The following ABCC10 variants were observed in gnomAD, a reference collection of about 807,000 sequenced individuals.
The protein encoded by ABCC10 is ATP-binding cassette sub-family C member 10.
In ABCC10, 110 loss-of-function variants were observed where a neutral mutation model predicts 143.2. The ratio of observed to expected loss-of-function variants is 0.77; its 90% CI spans 0.66 to 0.90. ABCC10 has a LOEUF of 0.90. ABCC10 is among the 40% of genes least tolerant of loss of function. The pLI, the probability that ABCC10 is intolerant of heterozygous loss-of-function variation, is 0.00. For synonymous variants in ABCC10, 805 were observed against 846.7 expected, an observed-to-expected ratio of 0.95 and a Z score of 0.85; for missense variants, 1,700 against 1,900.5, an observed-to-expected ratio of 0.89 and a Z score of 1.96.
intron 4 of ABCC10, among the ~76,000 whole-genome samples, chr6:43,435,526 C>T (rs963544304): frequency 3.3e-5 from 5 of 151,420 alleles, no homozygotes; most frequent in African/African-American, 4.9e-5. Context: ...GAGCAAGACT[C>T]GTCAAGAAAA....
Position 43,443,142 on chromosome 6 carries a change from G to A in ABCC10, c.2399G>A (p.Gly800Glu). Reference sequence around the variant, plus strand: ...GACGCGGTGCTGCTGATGGAGGCCGGGCGCCTCATCCGGGCTGGTAATGGG... The same window carrying A: ...GACGCGGTGCTGCTGATGGAGGCCGAGCGCCTCATCCGGGCTGGTAATGGG... ...RADAVLLMEA[G>E]RLIRAGPPSE... is the part of the protein sequence containing the mutation. Residue 800 changes from glycine to glutamate, a missense_variant, in exon 10 of 22, where the codon GGG (glycine) becomes GAG (glutamate). Transcript: ENST00000372530. The surrounding 1 kb of genome is among the most constrained non-coding windows in gnomAD (Gnocchi z 4.2). 1 of 1,602,772 alleles carries A rather than the reference G, an allele frequency of 6.2e-7. No individual in the cohort carries two copies. The highest frequency in any genetic ancestry group is 8.5e-7 in the Non-Finnish European group (1 of 1,178,168).
In ABCC10 at chr6:43,443,908, C is replaced by T. The variant is rs878941355; in HGVS notation, c.2417-25C>T. ...TAGTATAGACTCAGAACAGTCCTCT[C>T]CCAATCTCCCCTTCTACCCTCCAGG... On this transcript the variant is annotated intron_variant, in intron 10 of 21. Coordinates refer to ENST00000372530, the MANE Select transcript of ABCC10 (RefSeq NM_001198934.2). The surrounding 1 kb of genome is among the most constrained non-coding windows in gnomAD (Gnocchi z 4.2). 10 of 1,594,038 alleles carry T rather than the reference C, an allele frequency of 6.3e-6. No individual in the cohort carries two copies. The highest frequency in any genetic ancestry group is 3.3e-5 in the South Asian group (3 of 90,706).
In ABCC10 at chr6:43,445,893, G is replaced by A. The variant is rs78493482; in HGVS notation, c.3325G>A (p.Asp1109Asn). 429 of 1,613,698 alleles carry A rather than the reference G, an allele frequency of 2.7e-4. No homozygotes were observed. The African/African-American group carries it at 4.4e-3, about 16-fold the overall frequency. Residue 1109 changes from aspartate (D) to asparagine (N), a missense_variant, in exon 15 of 22, where the codon GAT (aspartate) becomes AAT (asparagine). Coordinates refer to ENST00000372530, the MANE Select transcript of ABCC10 (RefSeq NM_001198934.2). ...TLSPLYSHLA[D>N]TLAGLSVLRA... Reference sequence around the variant, plus strand: ...GTCTCCACTGTATAGCCATCTGGCCGATACCTTGGCTGGCCTCTCTGTGCT... The same window carrying A: ...GTCTCCACTGTATAGCCATCTGGCCAATACCTTGGCTGGCCTCTCTGTGCT...
intron 8 of ABCC10, among the ~76,000 whole-genome samples, 175 bp downstream of exon 8, chr6:43,438,970 G>C (rs1782041394): frequency 6.6e-6 from 1 of 152,156 alleles, no homozygotes; most frequent in Non-Finnish European, 1.5e-5. Context: ...TTCTGATAGG[G>C]CCCAGTAGGG....
In ABCC10 at chr6:43,427,622, G is replaced by A. The variant is rs1780649398; in HGVS notation, c.-147G>A. 4 of 342,970 alleles carry A rather than the reference G, an allele frequency of 1.2e-5. No individual in the cohort carries two copies. Among genetic ancestry groups the A allele is most frequent in the Non-Finnish European group, 1.7e-5 (3 of 180,646 alleles). 21.2% of individuals were successfully genotyped at this position (342,970 alleles called of 1,614,324 possible). On this transcript the variant is annotated 5_prime_UTR_variant, in exon 1 of 22. Coordinates refer to ENST00000372530, the MANE Select transcript of ABCC10 (RefSeq NM_001198934.2). ...CCAGCCGGGGCGGGCCCAGCACCCC[G>A]GCCGGGCAGTACTTTTTTTTTTTTT...
intron 15 of ABCC10, 116 bp downstream of exon 15, chr6:43,446,058 G>C: frequency 1.6e-6 from 2 of 1,263,456 alleles, no homozygotes; most frequent in African/African-American, 1.5e-5. Context: ...ACAAGGGATG[G>C]GGAAGGAGGA....
chr6:43,434,537 G>T (rs750199170), intron 3 of ABCC10, 84 bp from the exon 4 acceptor site: 39 of 1,314,002 alleles, frequency 3.0e-5, no homozygotes, highest in Non-Finnish European at 4.0e-5. Context: ...TGAACATTCT[G>T]CCAGCAGCCT....
chr6:43,450,267 C>T lies in ABCC10; in HGVS notation c.*176C>T, dbSNP rs948460866. 1.3e-5 allele frequency: 12 copies of T among 910,626 alleles called. No homozygotes were observed. Among genetic ancestry groups the T allele is most frequent in the Non-Finnish European group, 1.9e-5 (12 of 626,990 alleles). The allele number at this position is 910,626 out of a possible 1,614,324, so 56.4% of individuals were successfully genotyped here. A position where few individuals can be genotyped will look rare whatever the true frequency, so the allele number is the denominator to read the frequency against. Reference sequence around the variant, plus strand: ...GAAATCACTCCTTGGTGGGCAGCATCCTGAGGCTTCCCCAGAACCAGGCCT... The same window carrying T: ...GAAATCACTCCTTGGTGGGCAGCATTCTGAGGCTTCCCCAGAACCAGGCCT... On this transcript the variant is annotated 3_prime_UTR_variant, in exon 22 of 22. Coordinates refer to ENST00000372530, the MANE Select transcript of ABCC10 (RefSeq NM_001198934.2). This position sits in a 1 kb window ranked among gnomAD's most constrained non-coding sequence, Gnocchi z 4.5.
chr6:43,432,679 G>T lies in ABCC10; in HGVS notation c.699G>T (p.Leu233=). The change falls in exon 3 of 22, where the codon CTG becomes CTT. Residue 233 remains leucine (L), a synonymous_variant. Coordinates refer to ENST00000372530, the MANE Select transcript of ABCC10 (RefSeq NM_001198934.2). ...RFSYAWLAPL[L]ARGACGELRQ... ...CCTATGCCTGGCTGGCACCCTTGCT[G>T]GCCCGTGGGGCCTGTGGAGAGCTCC... is the stretch of plus-strand genomic sequence containing the variant. 1 of 1,614,032 alleles carries T rather than the reference G, an allele frequency of 6.2e-7. No homozygotes were observed. Among genetic ancestry groups the T allele is most frequent in the Non-Finnish European group, 8.5e-7 (1 of 1,180,012 alleles).
chr6:43,434,540 A>G lies in ABCC10; in HGVS notation c.1381-81A>G, dbSNP rs755749440. On this transcript the variant is annotated intron_variant, in intron 3 of 21. Coordinates refer to ENST00000372530, the MANE Select transcript of ABCC10 (RefSeq NM_001198934.2). ...AGCTTAGAGTACTGAACATTCTGCC[A>G]GCAGCCTGGGGAAGGCTTGGCAGGG... is the stretch of plus-strand genomic sequence containing the variant. 1.0e-5 allele frequency: 14 copies of G among 1,345,582 alleles called. No homozygotes were observed. In the East Asian group the frequency reaches 3.0e-4, roughly 29 times the overall value. 83.4% of individuals were successfully genotyped at this position (1,345,582 alleles called of 1,614,324 possible). A position where few individuals can be genotyped will look rare whatever the true frequency, so the allele number is the denominator to read the frequency against.
Position 43,443,750 on chromosome 6 carries a change from T to C in ABCC10, c.2417-183T>C. 1.6e-6 allele frequency: 1 copy of C among 615,702 alleles called. No individual in the cohort carries two copies. The highest frequency in any genetic ancestry group is 2.9e-6 in the Non-Finnish European group (1 of 343,234). The allele number at this position is 615,702 out of a possible 1,614,324, so 38.1% of individuals were successfully genotyped here. The stretch of plus-strand genomic sequence containing the variant: ...GAGTCCTGCTCGAGGTCTAGGGGTA[T>C]CCAGAGCAGGGTGGGTTAGAGAGGG... On this transcript the variant is annotated intron_variant, in intron 10 of 21. Transcript: ENST00000372530. This position sits in a 1 kb window ranked among gnomAD's most constrained non-coding sequence, Gnocchi z 4.2.
chr6:43,435,927 C>T lies in ABCC10; in HGVS notation c.1765+20C>T. Reference sequence around the variant, plus strand: ...GCCCAGGTAATGGGAAGCTAGTGGGCAGAACCTGGCACAGGGTGAGGAGGG... The same window carrying T: ...GCCCAGGTAATGGGAAGCTAGTGGGTAGAACCTGGCACAGGGTGAGGAGGG... On this transcript the variant is annotated intron_variant, in intron 5 of 21. Transcript: ENST00000372530. The T allele has an allele frequency of 6.2e-7, 1 of 1,613,500 alleles. No individual in the cohort carries two copies. Among genetic ancestry groups the T allele is most frequent in the South Asian group, 1.1e-5 (1 of 91,006 alleles).
intron 16 of ABCC10, 40 bp downstream of exon 16, chr6:43,446,486 T>G: frequency 6.3e-7 from 1 of 1,584,738 alleles, no homozygotes; most frequent in Non-Finnish European, 8.6e-7. Flanking sequence ...CATCCACAAG[T>G]TAGTCCACCG....
In ABCC10 at chr6:43,447,276, CCT is replaced by C; in HGVS notation, c.3574_3575del (p.Leu1192ValfsTer32). ...GLVGLSLSYA[L>X]SLTGLLSGLV... ...TGGTGGGCTTGTCGCTGTCTTATGC[CCT>C]GTCCCTGACGGGCCTGCTCTCGGGC... On this transcript the variant is annotated frameshift_variant, in exon 17 of 22. Transcript: ENST00000372530. LOFTEE classifies it high-confidence loss of function. 6.2e-7 allele frequency: 1 copy of C among 1,613,778 alleles called. No individual in the cohort carries two copies.
rs376240152 is a variant in ABCC10, at chr6:43,432,697, A to G, written c.717A>G (p.Gly239=). 1.9e-6 allele frequency: 3 copies of G among 1,613,858 alleles called. No homozygotes were observed. In the African/African-American group the frequency reaches 4.0e-5, roughly 22 times the overall value. ...LAPLLARGAC[G]ELRQPQDICR... ...CCTTGCTGGCCCGTGGGGCCTGTGG[A>G]GAGCTCCGGCAGCCTCAGGACATTT... Residue 239 remains glycine, a synonymous_variant, in exon 3 of 22, where the codon GGA becomes GGG. Coordinates refer to ENST00000372530, the MANE Select transcript of ABCC10 (RefSeq NM_001198934.2).
intron 18 of ABCC10, 84 bp downstream of exon 18, chr6:43,448,021 A>G (rs779671760): frequency 1.9e-6 from 3 of 1,571,818 alleles, no homozygotes; most frequent in Non-Finnish European, 2.6e-6. Context: ...AAGGCTTTAT[A>G]TAAACTCACA....
intron 16 of ABCC10, 142 bp downstream of exon 16, chr6:43,446,588 C>A (rs1783107249): frequency 2.8e-6 from 4 of 1,427,404 alleles, no homozygotes; most frequent in Non-Finnish European, 3.7e-6. Context: ...ATCATCATCA[C>A]CCCCGTTTGG....
At chr6:43,444,110 A>G in intron 11 of ABCC10, 49 bp from the exon 12 acceptor site, 1 of 1,611,084 alleles carries the variant, frequency 6.2e-7, no homozygotes, top group African/African-American at 1.3e-5. Context: ...CTGAGTTTTC[A>G]GCTGGCACCC....
chr6:43,446,059 G>A, intron 15 of ABCC10, 117 bp downstream of exon 15: 1 of 1,256,906 alleles, frequency 8.0e-7, no homozygotes, highest in Middle Eastern at 2.4e-4. Flanking sequence ...CAAGGGATGG[G>A]GAAGGAGGAA....
Sources: gnomAD v4.1 joint callset for allele counts (sites outside exome capture counted in the v4.1 genomes callset) on GRCh38, gnomAD v4.1.1 for gene constraint, Gnocchi (gnomAD v3.1) non-coding constraint, MANE v1.5 for transcripts, NCBI Gene and HGNC (gene_info 2026-07-23, HGNC 2026-07-21) for gene names.